Variants in SEMA3E observed in about 807,000 individuals in gnomAD.
SEMA3E encodes semaphorin-3E.
SEMA3E carries 49 observed loss-of-function variants against 93.6 expected under a neutral mutation model. The observed-to-expected ratio is 0.52, with a 90% CI of 0.42 to 0.66. The LOEUF (loss-of-function observed/expected upper bound fraction) is 0.66, where lower values mean the gene tolerates loss of function less well. SEMA3E is among the 30% of genes least tolerant of loss of function. The pLI, the probability that SEMA3E is intolerant of heterozygous loss-of-function variation, is 0.00. For synonymous variants in SEMA3E, 363 were observed against 330.7 expected (o/e 1.10, Z -1.06); for missense variants, 906 against 964.8 (o/e 0.94, Z 0.81).
At chr7:83,553,230 G>T (rs186987468) in intron 1 of SEMA3E, among the ~76,000 whole-genome samples, 2 of 152,026 alleles carry the variant, frequency 1.3e-5, no homozygotes, top group African/African-American at 2.4e-5. Flanking sequence ...AAGAACCTAC[G>T]TTGAAATATT....
intron 11 of SEMA3E, among the ~76,000 whole-genome samples, chr7:83,398,294 A>G (rs909264614): frequency 9.2e-5 from 14 of 152,284 alleles, no homozygotes; most frequent in African/African-American, 3.4e-4. Flanking sequence ...TTTCCAGGGC[A>G]TTTAAAAATC....
chr7:83,379,959 T>C lies in SEMA3E; in HGVS notation c.1875+5335A>G, dbSNP rs555054256. Among the ~76,000 whole-genome samples, 150 of 151,946 alleles carry C rather than the reference T, an allele frequency of 9.9e-4. 1 individual carries two copies. The highest frequency in any genetic ancestry group is 3.5e-3 in the African/African-American group (146 of 41,504). ...ATTTTTTTCTGATGTCTCTCCAACA[T>C]CTCTTGCCATGCCAAATCTTCCATT... On this transcript the variant is annotated intron_variant, in intron 16 of 16. Coordinates refer to ENST00000643230, the MANE Select transcript of SEMA3E (RefSeq NM_012431.3).
chr7:83,567,943 G>GA (rs1350823127), intron 1 of SEMA3E, among the ~76,000 whole-genome samples: 1 of 150,982 alleles, frequency 6.6e-6, no homozygotes, highest in Non-Finnish European at 1.5e-5. Context: ...AATATACAAA[G>GA]AAAATAAAAA....
chr7:83,536,777 A>C, intron 1 of SEMA3E, among the ~76,000 whole-genome samples: 1 of 152,174 alleles, frequency 6.6e-6, no homozygotes, highest in Non-Finnish European at 1.5e-5. Flanking sequence ...GCGAAGAAAT[A>C]ATTTTTGTGG....
At chr7:83,500,482 G>T (rs2115598185) in intron 1 of SEMA3E, among the ~76,000 whole-genome samples, 1 of 151,460 alleles carries the variant, frequency 6.6e-6, no homozygotes, top group Non-Finnish European at 1.5e-5. Flanking sequence ...TAAAGGAGGG[G>T]AGAGAATGAA....
chr7:83,453,870 T>C (rs576968345), intron 4 of SEMA3E, among the ~76,000 whole-genome samples: 1 of 152,244 alleles, frequency 6.6e-6, no homozygotes, highest in South Asian at 2.1e-4. Flanking sequence ...AATATTCATA[T>C]ATTTATTCTA....
chr7:83,631,013 G>C lies in SEMA3E; in HGVS notation c.115+17415C>G, dbSNP rs139556578. ...TAAGAACATGGGACTTTCTACAAGA[G>C]AGACTGGCAAATCTACAAGATTTCA... is the stretch of plus-strand genomic sequence containing the variant. On this transcript the variant is annotated intron_variant, in intron 1 of 16. Coordinates refer to ENST00000643230, the MANE Select transcript of SEMA3E (RefSeq NM_012431.3). 6.1e-3 allele frequency among the ~76,000 whole-genome samples: 929 copies of C among 152,152 alleles called. 10 individuals are homozygous for C. The highest frequency in any genetic ancestry group is 0.022 in the African/African-American group (895 of 41,518).
intron 1 of SEMA3E, among the ~76,000 whole-genome samples, chr7:83,630,930 C>A (rs1038246402): frequency 1.3e-5 from 2 of 151,958 alleles, no homozygotes; most frequent in African/African-American, 4.8e-5. Context: ...TTACAGATTA[C>A]CATTTGACTT....
At chr7:83,381,625 A>G (rs528852956) in intron 16 of SEMA3E, among the ~76,000 whole-genome samples, 1 of 152,106 alleles carries the variant, frequency 6.6e-6, no homozygotes, top group South Asian at 2.1e-4. Context: ...ATTCTTCAGA[A>G]TATAAGTTCT....
At chr7:83,386,237 T>C (rs3109171) in intron 15 of SEMA3E, among the ~76,000 whole-genome samples, 147,977 of 152,086 alleles carry the variant, frequency 0.97, 72,126 homozygotes, top group East Asian at 1. Flanking sequence ...CCTGAGTCAG[T>C]CTGGGGTCCA....
chr7:83,586,814 G>A (rs1792638682), intron 1 of SEMA3E, among the ~76,000 whole-genome samples: 1 of 152,004 alleles, frequency 6.6e-6, no homozygotes, highest in Non-Finnish European at 1.5e-5. Flanking sequence ...AACAATGTAA[G>A]TACAGACTCC....
chr7:83,472,820 G>A (rs1462363024), intron 2 of SEMA3E, among the ~76,000 whole-genome samples: 2 of 152,112 alleles, frequency 1.3e-5, no homozygotes, highest in Non-Finnish European at 2.9e-5. Context: ...GAATCATGGA[G>A]GCCGTTTCCC....
At chr7:83,455,440 C>G (rs1789460119) in intron 4 of SEMA3E, among the ~76,000 whole-genome samples, 1 of 152,162 alleles carries the variant, frequency 6.6e-6, no homozygotes, top group African/African-American at 2.4e-5. Flanking sequence ...TATGCCTTGC[C>G]TCTCCCAGAA....
intron 16 of SEMA3E, among the ~76,000 whole-genome samples, chr7:83,384,445 T>C (rs1787841014): frequency 6.6e-6 from 1 of 152,028 alleles, no homozygotes; most frequent in South Asian, 2.1e-4. Context: ...GATAATTTTT[T>C]CAATATTCAT....
intron 1 of SEMA3E, among the ~76,000 whole-genome samples, chr7:83,644,357 A>ACTTTATC (rs776268945): frequency 6.6e-6 from 1 of 151,956 alleles, no homozygotes; most frequent in Non-Finnish European, 1.5e-5. Flanking sequence ...TTTAAGAGCA[A>ACTTTATC]CTTTATCCTG....
At chr7:83,551,927 C>A (rs568173555) in intron 1 of SEMA3E, among the ~76,000 whole-genome samples, 1 of 150,704 alleles carries the variant, frequency 6.6e-6, no homozygotes, top group Non-Finnish European at 1.5e-5. Context: ...TCAGTGTTGC[C>A]ACTATTAGAC....
chr7:83,471,972 T>C (rs1313729934), intron 2 of SEMA3E, among the ~76,000 whole-genome samples: 3 of 152,196 alleles, frequency 2.0e-5, no homozygotes, highest in African/African-American at 7.2e-5. Context: ...GACCACGACA[T>C]CATGTTTATT....
rs186767730 is a variant in SEMA3E, at chr7:83,381,580, A to G, written c.1875+3714T>C. Among the ~76,000 whole-genome samples, 7 of 151,998 alleles carry G rather than the reference A, an allele frequency of 4.6e-5. No homozygotes were observed. In the Admixed American group the frequency reaches 4.6e-4, roughly 10 times the overall value. ...ATCATTATCTGATATATTTAATATC[A>G]TTCTTAGTCATTATTGTTATTATTT... On this transcript the variant is annotated intron_variant, in intron 16 of 16. Coordinates refer to ENST00000643230, the MANE Select transcript of SEMA3E (RefSeq NM_012431.3).
chr7:83,408,620 A>T (rs1788373633), intron 5 of SEMA3E, 133 bp from the exon 6 acceptor site: 3 of 1,051,166 alleles, frequency 2.9e-6, no homozygotes, highest in Non-Finnish European at 4.2e-6. Context: ...AGGAGCATGG[A>T]TGGTATAGTA....
Sources: allele counts gnomAD v4.1 joint callset (sites outside exome capture counted in the v4.1 genomes callset), GRCh38; gene constraint gnomAD v4.1.1; transcripts MANE v1.5; gene names NCBI Gene and HGNC (gene_info 2026-07-23, HGNC 2026-07-21).